Variants in OLFML2B observed in about 807,000 individuals in gnomAD.
The protein encoded by OLFML2B is olfactomedin like 2B.
In OLFML2B, 57 loss-of-function variants were observed where a neutral mutation model predicts 74.9. The ratio of observed to expected loss-of-function variants is 0.76; its 90% CI spans 0.61 to 0.95. OLFML2B has a LOEUF of 0.95. Among genes scored for constraint, OLFML2B ranks in the 40% least tolerant of loss-of-function variants. The pLI, the probability that OLFML2B is intolerant of heterozygous loss-of-function variation, is 0.00. For missense variants in OLFML2B, 986 were observed against 970.6 expected (o/e 1.02, Z -0.21); for synonymous variants, 388 against 405.8 (o/e 0.96, Z 0.53).
chr1:162,022,353 C>T (rs1333759430), intron 1 of OLFML2B, among the ~76,000 whole-genome samples: 9 of 143,792 alleles, frequency 6.3e-5, no homozygotes, highest in Non-Finnish European at 1.3e-4. Flanking sequence ...CGGGTTCAAG[C>T]GATTCTCCTG....
In OLFML2B at chr1:161,983,681, G is replaced by A. The variant is rs768781189; in HGVS notation, c.2247C>T (p.Ala749=). ...GHQVTYHVIF[A]Y is the part of the protein sequence containing the mutation. ...GCTTGTGGGGACAAGGGTGTCAGTA[G>A]GCAAAGATGACATGGTAAGTGACCT... The change falls in exon 8 of 8, where the codon GCC becomes GCT. Residue 749 remains alanine, a synonymous_variant. Transcript: ENST00000294794. 1.2e-6 allele frequency: 2 copies of A among 1,605,330 alleles called. No homozygotes were observed. Among genetic ancestry groups the A allele is most frequent in the African/African-American group, 2.7e-5 (2 of 74,802 alleles).
At chr1:161,989,052 T>C (rs12409625) in intron 6 of OLFML2B, among the ~76,000 whole-genome samples, 3,554 of 152,278 alleles carry the variant, frequency 0.023, 209 homozygotes, top group East Asian at 0.19. Context: ...TCCACCTCTA[T>C]GGCGTAGTTC....
intron 7 of OLFML2B, 118 bp downstream of exon 7, chr1:161,984,686 T>C: frequency 9.4e-7 from 1 of 1,063,516 alleles, no homozygotes; most frequent in Non-Finnish European, 1.4e-6. Context: ...CCTTTAGCCA[T>C]CAGAAGAAGG....
chr1:161,993,076 GGA>G (rs149502325), intron 6 of OLFML2B, among the ~76,000 whole-genome samples: 191 of 152,268 alleles, frequency 1.3e-3, no homozygotes, highest in African/African-American at 4.5e-3. Flanking sequence ...AACACCATAA[GGA>G]GAGAGAGACA....
In OLFML2B at chr1:161,983,608, G is replaced by T. The variant is rs988809482; in HGVS notation, c.*67C>A. 3.8e-5 allele frequency: 58 copies of T among 1,517,164 alleles called. No individual in the cohort carries two copies. The highest frequency in any genetic ancestry group is 4.8e-5 in the Non-Finnish European group (54 of 1,118,860). 94.0% of individuals were successfully genotyped at this position (1,517,164 alleles called of 1,614,324 possible). The stretch of plus-strand genomic sequence containing the variant: ...AACACATACCCACCTACACACACGT[G>T]CGCGCACACACATACACACAAGGTG... On this transcript the variant is annotated 3_prime_UTR_variant, in exon 8 of 8. Coordinates refer to ENST00000294794, the MANE Select transcript of OLFML2B (RefSeq NM_015441.3).
chr1:162,023,411 A>G lies in OLFML2B; in HGVS notation c.20T>C (p.Leu7Pro). 8.9e-6 allele frequency: 14 copies of G among 1,577,212 alleles called. No individual in the cohort carries two copies. Among genetic ancestry groups the G allele is most frequent in the Non-Finnish European group, 1.2e-5 (14 of 1,158,260 alleles). Residue 7 changes from leucine to proline, a missense_variant, in exon 1 of 8, where the codon CTA (leucine) becomes CCA (proline). Physicochemically the swap from Leu to Pro is moderately conservative, Grantham distance 98. Coordinates refer to ENST00000294794, the MANE Select transcript of OLFML2B (RefSeq NM_015441.3). ...CACAATCAGAGCGAAGTAGAGAACT[A>G]GCAGCCGAGGCTTGGCCATGAGGGG... is the stretch of plus-strand genomic sequence containing the variant. MAKPRL[L>P]VLYFALIVVP...
intron 3 of OLFML2B, among the ~76,000 whole-genome samples, chr1:162,012,236 A>C (rs1690412041): frequency 6.6e-6 from 1 of 152,128 alleles, no homozygotes. Flanking sequence ...GTGTCTCGAC[A>C]GGGGTGGAGG....
intron 6 of OLFML2B, among the ~76,000 whole-genome samples, chr1:161,991,872 T>A (rs1689753066): frequency 6.6e-6 from 1 of 152,254 alleles, no homozygotes; most frequent in Non-Finnish European, 1.5e-5. Flanking sequence ...TAGATTTGCA[T>A]AATTCTTAAG....
Position 161,983,974 on chromosome 1 carries a change from T to C in OLFML2B, c.1954A>G (p.Asn652Asp), listed in dbSNP as rs1689508922. 3 of 1,614,094 alleles carry C rather than the reference T, an allele frequency of 1.9e-6. No homozygotes were observed. In the African/African-American group the frequency reaches 4.0e-5, roughly 22 times the overall value. Residue 652 changes from asparagine (N) to aspartate (D), a missense_variant, in exon 8 of 8, where the codon AAT (asparagine) becomes GAT (aspartate). Transcript: ENST00000294794. ...TTCTGTGTGCTCAGGTCCGCGGCAT[T>C]GAGCTTGCTCAGGACAATGACCTCC... ...SQEVIVLSKL[N>D]AADLSTQKET...
chr1:162,020,076 G>C lies in OLFML2B; in HGVS notation c.281C>G (p.Ala94Gly). Residue 94 changes from alanine to glycine, a missense_variant, in exon 2 of 8, where the codon GCG becomes GGG. Physicochemically the swap from Ala to Gly is moderately conservative, Grantham distance 60 (BLOSUM62 0). Coordinates refer to ENST00000294794, the MANE Select transcript of OLFML2B (RefSeq NM_015441.3). ...LGRDACQRIN[A>G]GASRKEDFYT... ...GAAGTCTTCCTTCCTGGAGGCCCCC[G>C]CATTGATCCTCTGGCAGGCATCCCG... is the stretch of plus-strand genomic sequence containing the variant. The C allele has an allele frequency of 6.2e-7, 1 of 1,614,118 alleles. No individual in the cohort carries two copies.
Position 161,983,842 on chromosome 1 carries a change from T to C in OLFML2B, c.2086A>G (p.Ile696Val), listed in dbSNP as rs1571278502. The part of the protein sequence containing the change: ...VDSYNQRNAN[I>V]SYAFDTHTNT... Reference sequence around the variant, plus strand: ...GTGTGGGTGTCGAAAGCGTAGGAGATGTTGGCATTCCGCTGGTTGTAGCTA... The same window carrying C: ...GTGTGGGTGTCGAAAGCGTAGGAGACGTTGGCATTCCGCTGGTTGTAGCTA... Residue 696 changes from isoleucine to valine, a missense_variant, in exon 8 of 8, where the codon ATC (isoleucine) becomes GTC (valine). Ile to Val is a conservative substitution (Grantham distance 29, BLOSUM62 3). Coordinates refer to ENST00000294794, the MANE Select transcript of OLFML2B (RefSeq NM_015441.3). 1.2e-6 allele frequency: 2 copies of C among 1,614,058 alleles called. No individual in the cohort carries two copies. The highest frequency in any genetic ancestry group is 1.6e-4 in the Middle Eastern group (1 of 6,062).
Position 162,005,905 on chromosome 1 carries a change from A to T in OLFML2B, c.723+392T>A, listed in dbSNP as rs913275172. Among the ~76,000 whole-genome samples the T allele has an allele frequency of 6.5e-4, 76 of 116,588 alleles. 1 individual carries two copies. Among genetic ancestry groups the T allele is most frequent in the East Asian group, 1.0e-3 (5 of 4,790 alleles). The allele number at this position is 116,588 out of a possible 152,430, so 76.5% of individuals were successfully genotyped here. A position where few individuals can be genotyped will look rare whatever the true frequency, so the allele number is the denominator to read the frequency against. ...TGGTGGCAGAGCTGGAACCTATCAA[A>T]AAAAAAAAAAAAAAAAAAAAAAATC... On this transcript the variant is annotated intron_variant, in intron 4 of 7. Transcript: ENST00000294794.
chr1:162,011,398 C>T (rs953022379), intron 3 of OLFML2B, among the ~76,000 whole-genome samples: 5 of 152,202 alleles, frequency 3.3e-5, no homozygotes, highest in African/African-American at 1.2e-4. Context: ...TCACCGTGCT[C>T]AACCTTTGCA....
At chr1:161,994,382 G>A (rs1034404418) in intron 6 of OLFML2B, among the ~76,000 whole-genome samples, 2 of 152,252 alleles carry the variant, frequency 1.3e-5, no homozygotes, top group South Asian at 2.1e-4. Flanking sequence ...TCTGCTTTGT[G>A]GGGGAGACAT....
At chr1:162,023,111 A>G (rs1262509096) in intron 1 of OLFML2B, 146 bp downstream of exon 1, 5 of 734,134 alleles carry the variant, frequency 6.8e-6, no homozygotes, top group Non-Finnish European at 1.0e-5. Flanking sequence ...CATTAAGAAA[A>G]TATTCCGATA....
chr1:162,022,555 T>G (rs1308589931), intron 1 of OLFML2B, among the ~76,000 whole-genome samples: 2 of 152,202 alleles, frequency 1.3e-5, no homozygotes, highest in African/African-American at 4.8e-5. Flanking sequence ...GGCCTACCCA[T>G]GTATCTCTTA....
chr1:162,014,634 TTC>T (rs1485231375), intron 3 of OLFML2B, among the ~76,000 whole-genome samples: 1 of 152,152 alleles, frequency 6.6e-6, no homozygotes, highest in Non-Finnish European at 1.5e-5. Flanking sequence ...TTACCCAACA[TTC>T]TGCCTTTTCA....
At chr1:161,985,106 A>C in intron 6 of OLFML2B, 126 bp from the exon 7 acceptor site, 1 of 894,154 alleles carries the variant, frequency 1.1e-6, no homozygotes, top group South Asian at 2.2e-5. Context: ...GTATAACCTG[A>C]CCCCAAACAT....
intron 6 of OLFML2B, among the ~76,000 whole-genome samples, chr1:161,987,395 T>C (rs1211541525): frequency 1.3e-5 from 2 of 152,038 alleles, no homozygotes; most frequent in African/African-American, 2.4e-5. Flanking sequence ...GGTGGTCCTA[T>C]TGAATAAATA....
Sources: gnomAD v4.1 joint callset for allele counts (sites outside exome capture counted in the v4.1 genomes callset) on GRCh38, gnomAD v4.1.1 for gene constraint, MANE v1.5 for transcripts, NCBI Gene and HGNC (gene_info 2026-07-23, HGNC 2026-07-21) for gene names.